STXBP4: variants seen among roughly 807,000 people sequenced by gnomAD.
The protein encoded by STXBP4 is syntaxin-binding protein 4.
STXBP4 carries 55 observed loss-of-function variants against 76.1 expected under a neutral mutation model. That is an observed-to-expected ratio of 0.72 (90% confidence interval 0.58 to 0.91). The LOEUF is 0.91. Among genes scored for constraint, STXBP4 ranks in the 40% least tolerant of loss-of-function variants. The probability of loss-of-function intolerance (pLI) is 0.00; values close to 1 mark genes in which losing one functional copy is unlikely to be tolerated. For missense variants in STXBP4, 618 were observed against 636.9 expected, an observed-to-expected ratio of 0.97 and a Z score of 0.32; for synonymous variants, 201 against 220.2, an observed-to-expected ratio of 0.91 and a Z score of 0.77.
At chr17:54,985,481 C>T (rs1354693317) in intron 1 of STXBP4, 133 bp from the exon 2 acceptor site, 1 of 152,174 alleles carries the variant, frequency 6.6e-6, no homozygotes, top group Non-Finnish European at 1.5e-5. Flanking sequence ...TTGCTTCATT[C>T]ATTGTTCTTA....
chr17:55,066,595 A>G (rs2079053982), intron 12 of STXBP4, among the ~76,000 whole-genome samples: 1 of 152,234 alleles, frequency 6.6e-6, no homozygotes, highest in Admixed American at 6.5e-5. Context: ...TAATGAAAAC[A>G]AGAAATAAAA....
Position 55,009,540 on chromosome 17 carries a change from G to T in STXBP4, c.666+1943G>T, listed in dbSNP as rs562559128. On this transcript the variant is annotated intron_variant, in intron 8 of 17. Transcript: ENST00000376352. ...AGGTATGAAAATCGAAATTTGTATTGATTCTGAGAAATATGAGTTGCTTGG... is the reference window on the plus strand; with the variant it reads ...AGGTATGAAAATCGAAATTTGTATTTATTCTGAGAAATATGAGTTGCTTGG... 2.0e-4 allele frequency among the ~76,000 whole-genome samples: 30 copies of T among 152,140 alleles called. 1 individual carries two copies. The highest frequency in any genetic ancestry group is 6.0e-4 in the African/African-American group (25 of 41,520).
At position 55,167,963 on chromosome 17, in the gene STXBP4, TATGAAAAG is replaced by T. The variant is rs1369956392; in HGVS notation, c.*8056_*8063del. ...GGTCAGAAATTTCTGTGGAATGGAA[TATGAAAAG>T]ATGTTTATGAGCAGATTCTATTTCT... On this transcript the variant is annotated 3_prime_UTR_variant, in exon 18 of 18. Transcript: ENST00000376352. 1 of 152,184 alleles carries T rather than the reference TATGAAAAG, an allele frequency of 6.6e-6. No individual in the cohort carries two copies. Among genetic ancestry groups the T allele is most frequent in the Non-Finnish European group, 1.5e-5 (1 of 68,014 alleles). The allele number at this position is 152,184 out of a possible 1,614,324, so 9.4% of individuals were successfully genotyped here.
chr17:55,197,268 A>C, the STXBP4 span, among the ~76,000 whole-genome samples: 2 of 152,224 alleles, frequency 1.3e-5, no homozygotes, highest in African/African-American at 4.8e-5. Context: ...AACACTCCAA[A>C]GACTTAAGTG....
At chr17:54,992,985 G>A (rs946500303) in intron 4 of STXBP4, among the ~76,000 whole-genome samples, 1 of 152,014 alleles carries the variant, frequency 6.6e-6, no homozygotes, top group Non-Finnish European at 1.5e-5. Flanking sequence ...AGTGCTGGGG[G>A]TACAGGCATG....
chr17:55,043,241 T>C lies in STXBP4; in HGVS notation c.861T>C (p.Leu287=). ...TTATATTTTAATGTTGATAGCTTCTTCCTTGTGATTCTTCAGAAGCAGATG... is the reference window on the plus strand; with the variant it reads ...TTATATTTTAATGTTGATAGCTTCTCCCTTGTGATTCTTCAGAAGCAGATG... ...EISNILDSQL[L]PCDSSEADEM... Residue 287 remains leucine, a synonymous_variant, in exon 11 of 18, where the codon CTT becomes CTC. Coordinates refer to ENST00000376352, the MANE Select transcript of STXBP4 (RefSeq NM_178509.6). 1 of 1,496,460 alleles carries C rather than the reference T, an allele frequency of 6.7e-7. No individual in the cohort carries two copies. Among genetic ancestry groups the C allele is most frequent in the Admixed American group, 2.3e-5 (1 of 43,824 alleles). 92.7% of individuals were successfully genotyped at this position (1,496,460 alleles called of 1,614,324 possible).
rs1257243994 is a variant in STXBP4, at chr17:55,164,772, T to G, written c.*4861T>G. ...CGGCCTATTTCTTTTACATTATTTATCAGTTTGCCCTAACCTTGTTTTGTT... is the reference window on the plus strand; with the variant it reads ...CGGCCTATTTCTTTTACATTATTTAGCAGTTTGCCCTAACCTTGTTTTGTT... On this transcript the variant is annotated 3_prime_UTR_variant, in exon 18 of 18. Coordinates refer to ENST00000376352, the MANE Select transcript of STXBP4 (RefSeq NM_178509.6). 6.6e-6 allele frequency: 1 copy of G among 152,326 alleles called. No individual in the cohort carries two copies. The highest frequency in any genetic ancestry group is 1.5e-5 in the Non-Finnish European group (1 of 68,092). The allele number at this position is 152,326 out of a possible 1,614,324, so 9.4% of individuals were successfully genotyped here. A position where few individuals can be genotyped will look rare whatever the true frequency, so the allele number is the denominator to read the frequency against.
At chr17:55,208,392 G>C in the STXBP4 span, among the ~76,000 whole-genome samples, 106 of 152,234 alleles carry the variant, frequency 7.0e-4, no homozygotes, top group African/African-American at 2.2e-3. Context: ...TGTTGGATGG[G>C]TTGGGAGATC....
chr17:55,199,955 C>G, the STXBP4 span, among the ~76,000 whole-genome samples: 1 of 152,242 alleles, frequency 6.6e-6, no homozygotes, highest in Non-Finnish European at 1.5e-5. Flanking sequence ...TCCCCTATCC[C>G]CATTCCTTAG....
Position 54,996,902 on chromosome 17 carries a change from G to A in STXBP4, c.181-2443G>A, listed in dbSNP as rs1251856129. On this transcript the variant is annotated intron_variant, in intron 4 of 17. Coordinates refer to ENST00000376352, the MANE Select transcript of STXBP4 (RefSeq NM_178509.6). The stretch of plus-strand genomic sequence containing the variant: ...AATATAGAAATGAATAGTACTGGTC[G>A]TTTTTAACAGAAGTGTTTATGTGGT... Among the ~76,000 whole-genome samples the A allele has an allele frequency of 2.6e-5, 4 of 152,252 alleles. No individual in the cohort carries two copies. The South Asian group carries it at 6.2e-4, about 24-fold the overall frequency.
intron 3 of STXBP4, 148 bp from the exon 4 acceptor site, chr17:54,990,677 T>C: frequency 1.2e-6 from 1 of 863,234 alleles, no homozygotes; most frequent in Non-Finnish European, 1.7e-6. Flanking sequence ...CTTGGAAAAA[T>C]TGTCTTCCAT....
the STXBP4 span, among the ~76,000 whole-genome samples, chr17:55,203,880 TTC>T: frequency 2.0e-5 from 3 of 152,102 alleles, no homozygotes; most frequent in Non-Finnish European, 4.4e-5. Flanking sequence ...TTTAAGATTT[TTC>T]TCTTTATCTT....
chr17:55,017,091 G>A (rs910467610), intron 8 of STXBP4, among the ~76,000 whole-genome samples: 1 of 152,190 alleles, frequency 6.6e-6, no homozygotes, highest in Non-Finnish European at 1.5e-5. Flanking sequence ...TAGGGTCACG[G>A]AGAAGACCTT....
chr17:55,151,989 T>C (rs969157674), intron 17 of STXBP4, among the ~76,000 whole-genome samples: 1 of 152,182 alleles, frequency 6.6e-6, no homozygotes. Context: ...GTGTTAGTTA[T>C]TTGGTGACTT....
chr17:55,135,094 T>C (rs1336829743), intron 16 of STXBP4, among the ~76,000 whole-genome samples: 3 of 152,160 alleles, frequency 2.0e-5, no homozygotes, highest in Non-Finnish European at 4.4e-5. Context: ...AGAAAATGAA[T>C]GTTGGCATTT....
chr17:55,184,967 G>T, the STXBP4 span, among the ~76,000 whole-genome samples: 3 of 152,092 alleles, frequency 2.0e-5, no homozygotes, highest in Non-Finnish European at 4.4e-5. Context: ...GACCTCCTGG[G>T]CCCGAGCCAT....
chr17:55,132,766 A>T (rs1228206804), intron 16 of STXBP4, among the ~76,000 whole-genome samples: 2 of 152,172 alleles, frequency 1.3e-5, no homozygotes, highest in African/African-American at 2.4e-5. Flanking sequence ...AGGCTGGAGA[A>T]GAAGGGAGCT....
At chr17:55,046,940 A>G in intron 11 of STXBP4, 149 bp from the exon 12 acceptor site, 1 of 531,088 alleles carries the variant, frequency 1.9e-6, no homozygotes, top group East Asian at 3.1e-5. Flanking sequence ...TAAGTGCCTC[A>G]TGTAAAGCCA....
At chr17:55,075,233 A>G (rs1234337252) in intron 13 of STXBP4, among the ~76,000 whole-genome samples, 2 of 152,062 alleles carry the variant, frequency 1.3e-5, no homozygotes, top group African/African-American at 2.4e-5. Flanking sequence ...ATATTCCTTA[A>G]CAATATGTTG....
Sources: allele counts gnomAD v4.1 joint callset (sites outside exome capture counted in the v4.1 genomes callset), GRCh38; gene constraint gnomAD v4.1.1; transcripts MANE v1.5; gene names NCBI Gene and HGNC (gene_info 2026-07-23, HGNC 2026-07-21).